Variants in NEGR1 observed in about 807,000 individuals in gnomAD.
The protein encoded by NEGR1 is IgLON family member 4.
A neutral mutation model predicts 40.9 loss-of-function variants in NEGR1; 10 were observed. The ratio of observed to expected loss-of-function variants is 0.24; its 90% CI spans 0.15 to 0.42. NEGR1 has a LOEUF of 0.42. NEGR1 is among the 10% of genes least tolerant of loss of function. The pLI, the probability that NEGR1 is intolerant of heterozygous loss-of-function variation, is 1.00. For synonymous variants in NEGR1, 185 were observed against 166.8 expected (o/e 1.11, Z -0.84); for missense variants, 352 against 438.9 (o/e 0.80, Z 1.77).
chr1:71,969,492 T>C (rs1646238555), intron 1 of NEGR1, among the ~76,000 whole-genome samples: 1 of 152,220 alleles, frequency 6.6e-6, no homozygotes, highest in African/African-American at 2.4e-5. Flanking sequence ...CCAGGATGCA[T>C]GCAGTCAAAG....
Position 71,837,485 on chromosome 1 carries a change from T to C in NEGR1, c.410-61188A>G, listed in dbSNP as rs1362275324. On this transcript the variant is annotated intron_variant, in intron 2 of 6. Transcript: ENST00000357731. ...TAGACTTTTTTTGTTGCCGTTAAAA[T>C]ACATTTTGTTGATGTTAAATACATT... 4.6e-5 allele frequency among the ~76,000 whole-genome samples: 7 copies of C among 152,094 alleles called. No homozygotes were observed. The East Asian group carries it at 1.4e-3, about 29-fold the overall frequency.
intron 3 of NEGR1, among the ~76,000 whole-genome samples, chr1:71,727,483 C>A (rs1467392280): frequency 6.6e-6 from 1 of 151,994 alleles, no homozygotes; most frequent in Non-Finnish European, 1.5e-5. Flanking sequence ...GTCAATAATC[C>A]ATGGAGAAAA....
chr1:72,249,794 A>G (rs1321248778), intron 1 of NEGR1, among the ~76,000 whole-genome samples: 1 of 152,194 alleles, frequency 6.6e-6, no homozygotes, highest in East Asian at 1.9e-4. Context: ...AAAAGGGAAT[A>G]ATACACATAT....
intron 1 of NEGR1, among the ~76,000 whole-genome samples, chr1:72,105,988 G>A (rs1649119592): frequency 6.6e-6 from 1 of 152,078 alleles, no homozygotes; most frequent in Admixed American, 6.6e-5. Context: ...ATATAACTAA[G>A]ATAAATATGA....
chr1:71,690,184 C>A (rs1653206082), intron 4 of NEGR1, among the ~76,000 whole-genome samples: 1 of 151,876 alleles, frequency 6.6e-6, no homozygotes, highest in Non-Finnish European at 1.5e-5. Flanking sequence ...GCATATTTGG[C>A]AATTCCTCTG....
intron 6 of NEGR1, among the ~76,000 whole-genome samples, chr1:71,503,603 C>T (rs1647012898): frequency 6.6e-6 from 1 of 152,250 alleles, no homozygotes; most frequent in South Asian, 2.1e-4. Context: ...ACACAGCAGG[C>T]ATCTAGCATG....
chr1:72,233,920 A>G (rs1191902100), intron 1 of NEGR1, among the ~76,000 whole-genome samples: 2 of 152,080 alleles, frequency 1.3e-5, no homozygotes, highest in African/African-American at 4.8e-5. Flanking sequence ...AACTGTGTAT[A>G]AGCTTTCCCT....
intron 6 of NEGR1, among the ~76,000 whole-genome samples, chr1:71,416,253 C>A (rs1474076): frequency 8.5e-4 from 130 of 152,166 alleles, no homozygotes; most frequent in Admixed American, 7.5e-3. Flanking sequence ...ATTATTTAAG[C>A]TTTTATGTAG....
chr1:71,770,189 T>C (rs1014149890), intron 3 of NEGR1, among the ~76,000 whole-genome samples: 1 of 152,210 alleles, frequency 6.6e-6, no homozygotes, highest in Non-Finnish European at 1.5e-5. Context: ...TAGGATCACA[T>C]GTAAAGATCT....
intron 6 of NEGR1, among the ~76,000 whole-genome samples, chr1:71,450,077 A>AC (rs1646614971): frequency 6.7e-6 from 1 of 148,626 alleles, no homozygotes; most frequent in Non-Finnish European, 1.5e-5. Context: ...TGCAACCTCC[A>AC]CCTCCTGGGT....
intron 6 of NEGR1, among the ~76,000 whole-genome samples, chr1:71,447,748 T>A (rs961664597): frequency 1.3e-5 from 2 of 152,258 alleles, no homozygotes; most frequent in Non-Finnish European, 2.9e-5. Flanking sequence ...GCACTCGCTA[T>A]GCTTTCTTCA....
At chr1:71,553,996 G>A (rs1648170241) in intron 6 of NEGR1, among the ~76,000 whole-genome samples, 1 of 151,374 alleles carries the variant, frequency 6.6e-6, no homozygotes, top group Admixed American at 6.6e-5. Context: ...GAGTTTTTTA[G>A]TGCAATAACT....
chr1:72,149,067 C>T (rs143529266), intron 1 of NEGR1, among the ~76,000 whole-genome samples: 73 of 152,242 alleles, frequency 4.8e-4, no homozygotes, highest in African/African-American at 1.6e-3. Flanking sequence ...TAAAGACATA[C>T]CAATAACTGG....
chr1:71,671,886 T>C (rs1260012601), intron 4 of NEGR1, among the ~76,000 whole-genome samples: 2 of 106,788 alleles, frequency 1.9e-5, no homozygotes, highest in Admixed American at 2.4e-4. Flanking sequence ...TTCTGTTCTC[T>C]CTCTCTCTTT....
chr1:72,062,517 A>C (rs1647194596), intron 1 of NEGR1, among the ~76,000 whole-genome samples: 1 of 151,990 alleles, frequency 6.6e-6, no homozygotes, highest in East Asian at 1.9e-4. Flanking sequence ...GTGAAGAAGC[A>C]CGATGAGTTC....
At chr1:72,159,808 T>C (rs916148938) in intron 1 of NEGR1, among the ~76,000 whole-genome samples, 1 of 152,130 alleles carries the variant, frequency 6.6e-6, no homozygotes, top group Admixed American at 6.6e-5. Context: ...ATCTTATGTA[T>C]AGAAGAACAC....
chr1:71,850,918 A>C (rs1209405064), intron 2 of NEGR1, among the ~76,000 whole-genome samples: 2 of 152,172 alleles, frequency 1.3e-5, no homozygotes, highest in Non-Finnish European at 2.9e-5. Flanking sequence ...CTAGGAATAT[A>C]GTTTACAGTA....
intron 1 of NEGR1, among the ~76,000 whole-genome samples, chr1:72,126,087 AAGTATGTGTG>A (rs1190036855): frequency 2.7e-5 from 2 of 73,830 alleles, no homozygotes; most frequent in African/African-American, 8.1e-5. Context: ...CATTAGAGAA[AAGTATGTGTG>A]TGTGTGTGTG....
chr1:72,183,934 A>T lies in NEGR1; in HGVS notation c.176+98385T>A, dbSNP rs116487800. On this transcript the variant is annotated intron_variant, in intron 1 of 6. Transcript: ENST00000357731. ...CAGGTTGGAAGAGAGCATTCCAAAC[A>T]GAAAGATTAGCATGAATATAGACAA... Among the ~76,000 whole-genome samples the T allele has an allele frequency of 7.3e-3, 1,105 of 152,246 alleles. 13 individuals are homozygous for T. Among genetic ancestry groups the T allele is most frequent in the African/African-American group, 0.026 (1,063 of 41,560 alleles).
Sources: gnomAD v4.1 joint callset for allele counts (sites outside exome capture counted in the v4.1 genomes callset) on GRCh38, gnomAD v4.1.1 for gene constraint, MANE v1.5 for transcripts, NCBI Gene and HGNC (gene_info 2026-07-23, HGNC 2026-07-21) for gene names.